Variants in FBLN7 observed in about 807,000 individuals in gnomAD.
FBLN7 encodes fibulin-7.
In FBLN7, 31 loss-of-function variants were observed where a neutral mutation model predicts 44.0. The observed-to-expected ratio is 0.70, with a 90% confidence interval of 0.53 to 0.95. FBLN7 has a LOEUF of 0.95. Ranked by LOEUF, FBLN7 falls within the 40% of genes least tolerant of loss-of-function variation. The pLI, the probability that FBLN7 is intolerant of heterozygous loss-of-function variation, is 0.00. For missense variants in FBLN7, 573 were observed against 618.5 expected (o/e 0.93, Z 0.78); for synonymous variants, 262 against 253.4 (o/e 1.03, Z -0.32).
intron 3 of FBLN7, among the ~76,000 whole-genome samples, chr2:112,169,824 G>A (rs1161841294): frequency 2.6e-5 from 4 of 152,154 alleles, no homozygotes; most frequent in South Asian, 2.1e-4. Context: ...TAAACAGCAC[G>A]GGGCAAGGAG....
the FBLN7 span, among the ~76,000 whole-genome samples, chr2:112,234,714 C>T: frequency 6.6e-5 from 10 of 151,668 alleles, no homozygotes; most frequent in Admixed American, 1.3e-4. Flanking sequence ...GCAGGAGAAT[C>T]GCTTGAACCC....
At chr2:112,224,389 C>T in the FBLN7 span, among the ~76,000 whole-genome samples, 4 of 152,154 alleles carry the variant, frequency 2.6e-5, no homozygotes, top group Non-Finnish European at 5.9e-5. Context: ...TATCAAGCTA[C>T]AATTTGAAGA....
intron 7 of FBLN7, among the ~76,000 whole-genome samples, 190 bp from the exon 8 acceptor site, chr2:112,186,944 C>T (rs1219999514): frequency 1.3e-5 from 2 of 152,198 alleles, no homozygotes; most frequent in Admixed American, 1.3e-4. Context: ...AGCAGCAGCC[C>T]TTCCTTTGCC....
intron 2 of FBLN7, among the ~76,000 whole-genome samples, chr2:112,160,746 G>GCACGCACA (rs1225661028): frequency 3.5e-5 from 3 of 86,214 alleles, no homozygotes; most frequent in Admixed American, 1.1e-4. Flanking sequence ...ACGCACACAC[G>GCACGCACA]CGCACGCACA....
At chr2:112,207,966 A>C in the FBLN7 span, among the ~76,000 whole-genome samples, 1 of 152,278 alleles carries the variant, frequency 6.6e-6, no homozygotes, top group Non-Finnish European at 1.5e-5. Flanking sequence ...GTAAAGGCAG[A>C]AAGTAAATAT....
intron 1 of FBLN7, among the ~76,000 whole-genome samples, chr2:112,144,388 TAAATG>T (rs1680796201): frequency 6.6e-6 from 1 of 152,254 alleles, no homozygotes; most frequent in African/African-American, 2.4e-5. Context: ...TCTGTAAAAT[TAAATG>T]AGCACTGGCA....
intron 6 of FBLN7, 35 bp downstream of exon 6, chr2:112,182,963 C>T: frequency 2.5e-6 from 4 of 1,605,444 alleles, no homozygotes; most frequent in Middle Eastern, 1.7e-4. Context: ...CTGCACCCAG[C>T]CACCTGCTGC....
At chr2:112,151,916 A>G (rs761385857) in intron 1 of FBLN7, 3 of 152,218 alleles carry the variant, frequency 2.0e-5, no homozygotes, top group Non-Finnish European at 2.9e-5. Context: ...CCTCTGGACA[A>G]AGGTTAGCTG....
chr2:112,160,850 A>ACACACACACACACGCG (rs1681828822), intron 2 of FBLN7, among the ~76,000 whole-genome samples: 1 of 42,172 alleles, frequency 2.4e-5, no homozygotes, highest in Non-Finnish European at 6.1e-5. Flanking sequence ...GCACACGCGC[A>ACACACACACACACGCG]CACACACACA....
At chr2:112,167,805 G>C (rs1361301099) in intron 3 of FBLN7, among the ~76,000 whole-genome samples, 2 of 151,718 alleles carry the variant, frequency 1.3e-5, no homozygotes, top group Non-Finnish European at 1.5e-5. Context: ...CAGTCAGAAT[G>C]ACTGCCAGCC....
chr2:112,228,285 T>C, the FBLN7 span, among the ~76,000 whole-genome samples: 1 of 152,156 alleles, frequency 6.6e-6, no homozygotes, highest in Non-Finnish European at 1.5e-5. Context: ...GCAGATCACC[T>C]GAGGTCAGGA....
chr2:112,200,810 C>A, the FBLN7 span, among the ~76,000 whole-genome samples: 1 of 152,130 alleles, frequency 6.6e-6, no homozygotes, highest in Non-Finnish European at 1.5e-5. Context: ...GGATTACAGG[C>A]GTTACAGGTG....
chr2:112,164,781 A>C (rs1036483752), intron 2 of FBLN7, among the ~76,000 whole-genome samples: 1 of 152,242 alleles, frequency 6.6e-6, no homozygotes, highest in Non-Finnish European at 1.5e-5. Context: ...TCTGAGCCCC[A>C]GTCTCATCAC....
the FBLN7 span, among the ~76,000 whole-genome samples, chr2:112,232,758 T>C: frequency 6.6e-6 from 1 of 152,244 alleles, no homozygotes; most frequent in Non-Finnish European, 1.5e-5. Flanking sequence ...TTTTTTGTGA[T>C]GACTAAAGGT....
the FBLN7 span, among the ~76,000 whole-genome samples, chr2:112,204,678 T>C: frequency 6.6e-6 from 1 of 152,154 alleles, no homozygotes; most frequent in Non-Finnish European, 1.5e-5. Context: ...GAAAAAAAGC[T>C]GTTGACCAAG....
intron 4 of FBLN7, among the ~76,000 whole-genome samples, chr2:112,178,590 AC>A (rs1682843541): frequency 1.3e-5 from 2 of 152,212 alleles, no homozygotes; most frequent in African/African-American, 4.8e-5. Flanking sequence ...GAACATTGAT[AC>A]AAAAATCCTC....
the FBLN7 span, among the ~76,000 whole-genome samples, chr2:112,233,642 C>T: frequency 4.6e-5 from 7 of 152,038 alleles, no homozygotes; most frequent in East Asian, 1.3e-3. Context: ...CCGAGGTGCG[C>T]GGATCATGAG....
At chr2:112,243,471 A>T in the FBLN7 span, among the ~76,000 whole-genome samples, 1 of 152,220 alleles carries the variant, frequency 6.6e-6, no homozygotes, top group African/African-American at 2.4e-5. Context: ...ACATTTTCAG[A>T]GATGAAATAA....
chr2:112,216,244 T>C, the FBLN7 span: 1 of 152,234 alleles, frequency 6.6e-6, no homozygotes, highest in Non-Finnish European at 1.5e-5. Flanking sequence ...CCATATATGC[T>C]CCTCTCCTAT....
Sources: gnomAD v4.1 joint callset for allele counts (sites outside exome capture counted in the v4.1 genomes callset) on GRCh38, gnomAD v4.1.1 for gene constraint, MANE v1.5 for transcripts, NCBI Gene and HGNC (gene_info 2026-07-23, HGNC 2026-07-21) for gene names.